Variants in MALRD1 observed in about 807,000 individuals in gnomAD.
MALRD1 encodes the protein MAM and LDL receptor class A domain containing 1.
A neutral mutation model predicts 242.1 loss-of-function variants in MALRD1; 247 were observed. That is an observed-to-expected ratio of 1.02 (90% CI 0.92 to 1.13). The LOEUF (loss-of-function observed/expected upper bound fraction) is 1.13, where lower values mean the gene tolerates loss of function less well. MALRD1 is among the 50% of genes most tolerant of loss of function. The pLI, the probability that MALRD1 is intolerant of heterozygous loss-of-function variation, is 0.00. For missense variants in MALRD1, 2,989 were observed against 2,533.1 expected (o/e 1.18, Z -3.86); for synonymous variants, 995 against 866.6 (o/e 1.15, Z -2.60).
At chr10:19,514,052 G>T (rs923128071) in intron 31 of MALRD1, among the ~76,000 whole-genome samples, 4 of 152,124 alleles carry the variant, frequency 2.6e-5, no homozygotes, top group African/African-American at 9.7e-5. Flanking sequence ...AATATTTTAG[G>T]CTTACAGCTG....
At chr10:19,523,371 C>T (rs929301547) in intron 31 of MALRD1, among the ~76,000 whole-genome samples, 19 of 152,208 alleles carry the variant, frequency 1.2e-4, no homozygotes, top group African/African-American at 4.1e-4. Flanking sequence ...CCACACTCCT[C>T]CAGGTAAAAT....
chr10:19,331,266 C>G, intron 23 of MALRD1, 103 bp from the exon 24 acceptor site: 1 of 1,004,272 alleles, frequency 1.0e-6, no homozygotes, highest in Non-Finnish European at 1.5e-6. Context: ...AAAAAACAAA[C>G]AACAAAAAAC....
intron 26 of MALRD1, among the ~76,000 whole-genome samples, chr10:19,368,563 C>T (rs1845206904): frequency 1.3e-5 from 2 of 151,946 alleles, no homozygotes; most frequent in Non-Finnish European, 2.9e-5. Flanking sequence ...ATGCCTGCAG[C>T]TTTGTTCTTT....
At chr10:19,597,196 G>A (rs1186649302) in intron 34 of MALRD1, among the ~76,000 whole-genome samples, 1 of 152,122 alleles carries the variant, frequency 6.6e-6, no homozygotes, top group Non-Finnish European at 1.5e-5. Context: ...GAGGTGAATA[G>A]AAAAGAGAAA....
Position 19,352,094 on chromosome 10 carries a change from T to A in MALRD1, c.4238T>A (p.Leu1413His). The A allele has an allele frequency of 6.4e-7, 1 of 1,550,478 alleles. No homozygotes were observed. The highest frequency in any genetic ancestry group is 8.7e-7 in the Non-Finnish European group (1 of 1,146,876). Residue 1413 changes from leucine (L) to histidine (H), a missense_variant, in exon 26 of 40, where the codon CTT (leucine) becomes CAT (histidine). By Grantham distance (99) the Leu-to-His change is moderately conservative. Coordinates refer to ENST00000454679, the MANE Select transcript of MALRD1 (RefSeq NM_001142308.3). ...VSVTNQTKVL[L>H]NLTVEQGNFW... ...GTCACAAACCAAACGAAGGTTCTAC[T>A]TAACCTCACTGTAGAACAAGGCAAT...
intron 26 of MALRD1, among the ~76,000 whole-genome samples, chr10:19,383,724 G>T (rs948932268): frequency 2.0e-5 from 3 of 151,856 alleles, no homozygotes; most frequent in African/African-American, 7.3e-5. Context: ...TACATGTGAT[G>T]ATCAAAATAT....
intron 28 of MALRD1, among the ~76,000 whole-genome samples, chr10:19,450,100 G>T (rs759387713): frequency 6.6e-6 from 1 of 152,040 alleles, no homozygotes; most frequent in Non-Finnish European, 1.5e-5. Flanking sequence ...TGCTTTCCCC[G>T]ACCCCTGACC....
intron 14 of MALRD1, among the ~76,000 whole-genome samples, chr10:19,190,314 A>G (rs1248589264): frequency 6.6e-6 from 1 of 152,122 alleles, no homozygotes; most frequent in Admixed American, 6.5e-5. Flanking sequence ...AATATAGATA[A>G]TGAAAAGACA....
intron 36 of MALRD1, among the ~76,000 whole-genome samples, chr10:19,686,021 A>C (rs1842568059): frequency 6.6e-6 from 1 of 152,148 alleles, no homozygotes; most frequent in African/African-American, 2.4e-5. Flanking sequence ...TAAGTATGTT[A>C]CTGTAGGCAG....
chr10:19,661,600 A>G (rs1240394962), intron 36 of MALRD1, among the ~76,000 whole-genome samples: 1 of 152,152 alleles, frequency 6.6e-6, no homozygotes, highest in African/African-American at 2.4e-5. Flanking sequence ...ACACATGGAC[A>G]CAGGAAGGGA....
At chr10:19,400,744 G>T (rs532950584) in intron 28 of MALRD1, among the ~76,000 whole-genome samples, 115 of 152,242 alleles carry the variant, frequency 7.6e-4, no homozygotes, top group African/African-American at 2.5e-3. Context: ...GGCCAGGTGT[G>T]GTAGCTCACG....
chr10:19,274,759 A>G (rs2131859330), intron 19 of MALRD1, among the ~76,000 whole-genome samples: 1 of 152,278 alleles, frequency 6.6e-6, no homozygotes, highest in East Asian at 1.9e-4. Flanking sequence ...AACTCATATG[A>G]ATTATTTAAG....
At chr10:19,311,044 C>T (rs950812807) in intron 21 of MALRD1, among the ~76,000 whole-genome samples, 1 of 151,358 alleles carries the variant, frequency 6.6e-6, no homozygotes, top group African/African-American at 2.4e-5. Context: ...AGTTGAAACA[C>T]ATAATATTTG....
At chr10:19,364,031 T>G (rs1041734096) in intron 26 of MALRD1, among the ~76,000 whole-genome samples, 1 of 151,898 alleles carries the variant, frequency 6.6e-6, no homozygotes, top group Admixed American at 6.6e-5. Flanking sequence ...TAGGGCATGA[T>G]GGAAAGGATT....
intron 32 of MALRD1, among the ~76,000 whole-genome samples, chr10:19,539,916 A>T (rs79466977): frequency 8.6e-5 from 4 of 46,756 alleles, no homozygotes; most frequent in African/African-American, 2.4e-4. Flanking sequence ...GCGTGCGCGC[A>T]CACACGCGCA....
At chr10:19,323,833 A>G (rs1042180844) in intron 21 of MALRD1, 116 bp from the exon 22 acceptor site, 20 of 852,042 alleles carry the variant, frequency 2.3e-5, no homozygotes, top group Admixed American at 1.3e-4. Context: ...CTGGTCTCGA[A>G]CTCCTGACTG....
At chr10:19,642,272 C>G (rs902523918) in intron 36 of MALRD1, among the ~76,000 whole-genome samples, 1 of 152,060 alleles carries the variant, frequency 6.6e-6, no homozygotes, top group Non-Finnish European at 1.5e-5. Context: ...GTATATTGAA[C>G]TCTGTGATCT....
intron 28 of MALRD1, among the ~76,000 whole-genome samples, chr10:19,436,757 A>T (rs1343390048): frequency 1.3e-5 from 2 of 152,184 alleles, no homozygotes; most frequent in Admixed American, 1.3e-4. Context: ...GGCATACTTC[A>T]AAACTCCTAA....
At chr10:19,322,024 A>G (rs962073650) in intron 21 of MALRD1, among the ~76,000 whole-genome samples, 5 of 152,194 alleles carry the variant, frequency 3.3e-5, no homozygotes, top group Admixed American at 2.0e-4. Context: ...TGGACAATTC[A>G]AGCTATATCT....
Sources: allele counts gnomAD v4.1 joint callset (sites outside exome capture counted in the v4.1 genomes callset), GRCh38; gene constraint gnomAD v4.1.1; transcripts MANE v1.5; gene names NCBI Gene and HGNC (gene_info 2026-07-23, HGNC 2026-07-21).